DPH6: variants seen among roughly 807,000 people sequenced by gnomAD.
DPH6 encodes diphthine--ammonia ligase.
A neutral mutation model predicts 38.2 loss-of-function variants in DPH6; 33 were observed. That is an observed-to-expected ratio of 0.86 (90% CI 0.65 to 1.15). The LOEUF (loss-of-function observed/expected upper bound fraction) is 1.15. DPH6 is among the 50% of genes most tolerant of loss of function. The pLI is 0.00. For synonymous variants in DPH6, 108 were observed against 103.0 expected, an observed-to-expected ratio of 1.05 and a Z score of -0.30; for missense variants, 325 against 320.0, an observed-to-expected ratio of 1.02 and a Z score of -0.12.
chr15:35,516,486 T>C (rs1022117665), intron 3 of DPH6, among the ~76,000 whole-genome samples: 6 of 152,292 alleles, frequency 3.9e-5, no homozygotes, highest in African/African-American at 1.4e-4. Flanking sequence ...AGCCAAGGTA[T>C]AGAGAAGTTA....
At chr15:35,522,430 C>G (rs1388159019) in intron 3 of DPH6, among the ~76,000 whole-genome samples, 3 of 152,114 alleles carry the variant, frequency 2.0e-5, no homozygotes, top group Admixed American at 2.0e-4. Flanking sequence ...ATGAAAATAA[C>G]TCAATGCACC....
the DPH6 span, among the ~76,000 whole-genome samples, chr15:35,154,222 G>T: frequency 6.6e-6 from 1 of 152,106 alleles, no homozygotes; most frequent in Non-Finnish European, 1.5e-5. Flanking sequence ...GGTGATGATG[G>T]ATATGCTAAA....
At chr15:35,363,038 T>C (rs909794728) in intron 3 of DPH6, among the ~76,000 whole-genome samples, 2 of 152,202 alleles carry the variant, frequency 1.3e-5, no homozygotes, top group African/African-American at 4.8e-5. Flanking sequence ...ATGACATTTG[T>C]AGACTTGTAT....
At chr15:35,478,366 TAC>T (rs66521447) in intron 3 of DPH6, among the ~76,000 whole-genome samples, 10,591 of 141,980 alleles carry the variant, frequency 0.075, 473 homozygotes, top group African/African-American at 0.15. Flanking sequence ...TACCCACACA[TAC>T]ACACACACAC....
At chr15:35,155,594 T>C in the DPH6 span, among the ~76,000 whole-genome samples, 1 of 152,196 alleles carries the variant, frequency 6.6e-6, no homozygotes, top group Non-Finnish European at 1.5e-5. Flanking sequence ...GGCCTTGCAT[T>C]GTGCTAGCCA....
intron 3 of DPH6, among the ~76,000 whole-genome samples, chr15:35,257,182 G>A (rs2051714291): frequency 6.6e-6 from 1 of 152,160 alleles, no homozygotes; most frequent in South Asian, 2.1e-4. Flanking sequence ...AGGAAAGGAG[G>A]AGAAAAATAA....
the DPH6 span, among the ~76,000 whole-genome samples, chr15:35,174,388 T>C: frequency 2.0e-5 from 3 of 152,214 alleles, no homozygotes; most frequent in Non-Finnish European, 4.4e-5. Flanking sequence ...CTTTCAATCA[T>C]TGAGTCCTTT....
At chr15:35,356,915 C>T (rs1194908615) in intron 3 of DPH6, among the ~76,000 whole-genome samples, 1 of 152,220 alleles carries the variant, frequency 6.6e-6, no homozygotes, top group Non-Finnish European at 1.5e-5. Flanking sequence ...CCTCCTTGAG[C>T]TGCAGTGGGC....
chr15:35,386,917 A>G (rs1446298366), intron 6 of DPH6, among the ~76,000 whole-genome samples: 2 of 152,198 alleles, frequency 1.3e-5, no homozygotes, highest in African/African-American at 2.4e-5. Context: ...GTCCTTGCCC[A>G]TGCCTATGTC....
chr15:35,524,781 AT>A (rs1490973922), intron 3 of DPH6, among the ~76,000 whole-genome samples: 1 of 152,210 alleles, frequency 6.6e-6, no homozygotes. Context: ...CTGAAAGAAA[AT>A]CACATGGCTC....
intron 3 of DPH6, among the ~76,000 whole-genome samples, chr15:35,332,467 G>A (rs1434675277): frequency 6.6e-6 from 1 of 152,034 alleles, no homozygotes; most frequent in East Asian, 1.9e-4. Context: ...GAACAATCTG[G>A]CTTGGATTAG....
chr15:35,527,584 G>C (rs1407710239), intron 3 of DPH6, among the ~76,000 whole-genome samples: 1 of 152,100 alleles, frequency 6.6e-6, no homozygotes, highest in Non-Finnish European at 1.5e-5. Context: ...TTTAAGGAAG[G>C]AAGATATTAT....
Position 35,355,297 on chromosome 15 carries a change from T to C in DPH6, n.207+18224A>G, listed in dbSNP as rs192503277. 5.2e-3 allele frequency among the ~76,000 whole-genome samples: 799 copies of C among 152,314 alleles called. 4 individuals are homozygous for C. Among genetic ancestry groups the C allele is most frequent in the African/African-American group, 0.018 (765 of 41,564 alleles). On this transcript the variant is annotated intron_variant and non_coding_transcript_variant, in intron 3 of 3. Transcript: ENST00000558973. Reference sequence around the variant, plus strand: ...TTAGCCCATTTACATTTAAGGTTAATATTGTTATGTGTGAATTTGATCCTG... The same window carrying C: ...TTAGCCCATTTACATTTAAGGTTAACATTGTTATGTGTGAATTTGATCCTG...
In DPH6 at chr15:35,538,547, G is replaced by A. The variant is rs560034798; in HGVS notation, c.119-80C>T. The A allele has an allele frequency of 2.3e-5, 29 of 1,252,294 alleles. 1 individual carries two copies. In the South Asian group the frequency reaches 5.0e-4, roughly 22 times the overall value. The allele number at this position is 1,252,294 out of a possible 1,614,324, so 77.6% of individuals were successfully genotyped here. On this transcript the variant is annotated intron_variant, in intron 2 of 8. Transcript: ENST00000256538. The stretch of plus-strand genomic sequence containing the variant: ...TTTGAAAGCCCATCCAGGTTTTACT[G>A]CTTGAATAGTCGACACAGAACTTGA...
rs1273260594 is a variant in DPH6 at position 35,410,888 on chromosome 15, G to A, written c.514C>T (p.Pro172Ser). The A allele has an allele frequency of 6.2e-7, 1 of 1,602,884 alleles. No individual in the cohort carries two copies. The highest frequency in any genetic ancestry group is 1.3e-5 in the African/African-American group (1 of 74,128). Reference sequence around the variant, plus strand: ...AGGGTTTTCCCAAGATGCTTATCAGGATCTAAACCTGCCAAGAAAGGTTAC... The same window carrying A: ...AGGGTTTTCCCAAGATGCTTATCAGAATCTAAACCTGCCAAGAAAGGTTAC... The part of the protein sequence containing the change: ...IIKVAALGLD[P>S]DKHLGKTLDQ... The change falls in exon 6 of 9, where the codon CCT becomes TCT. Residue 172 changes from proline (P) to serine (S), a missense_variant. Physicochemically the swap from Pro to Ser is moderately conservative, Grantham distance 74 (BLOSUM62 -1). Transcript: ENST00000256538.
Position 35,406,104 on chromosome 15 carries a change from A to C in DPH6, c.567+4731T>G, listed in dbSNP as rs796325078. On this transcript the variant is annotated intron_variant, in intron 6 of 8. Transcript: ENST00000256538. The stretch of plus-strand genomic sequence containing the variant: ...ATATTATATGCCATGAGGCAAGAGA[A>C]AAATGGCAGCTCAAAGAAAGCTTAT... Among the ~76,000 whole-genome samples the C allele has an allele frequency of 5.9e-5, 9 of 152,228 alleles. 1 individual carries two copies. The highest frequency in any genetic ancestry group is 2.2e-4 in the African/African-American group (9 of 41,562).
intron 3 of DPH6, among the ~76,000 whole-genome samples, chr15:35,285,872 G>GTTTTTTTTTTTTTTGTT (rs2051939163): frequency 1.9e-5 from 1 of 52,794 alleles, no homozygotes; most frequent in African/African-American, 7.5e-5. Flanking sequence ...TTATCTTTGA[G>GTTTTTTTTTTTTTTGTT]TTTTTTTTTT....
At chr15:35,533,107 C>CG (rs2055113706) in intron 3 of DPH6, among the ~76,000 whole-genome samples, 1 of 70,834 alleles carries the variant, frequency 1.4e-5, no homozygotes, top group Non-Finnish European at 3.8e-5. Context: ...CACTCAGTCT[C>CG]GAAAAAAAAA....
intron 5 of DPH6, among the ~76,000 whole-genome samples, chr15:35,419,068 T>TACACACACACAC (rs145718698): frequency 0.029 from 4,246 of 144,996 alleles, 92 homozygotes; most frequent in African/African-American, 0.053. Context: ...CACACACACA[T>TACACACACACAC]ACACACACAC....
Sources: allele counts gnomAD v4.1 joint callset (sites outside exome capture counted in the v4.1 genomes callset), GRCh38; gene constraint gnomAD v4.1.1; transcripts MANE v1.5; gene names NCBI Gene and HGNC (gene_info 2026-07-23, HGNC 2026-07-21).